The following PDGFC variants were observed in gnomAD, a reference collection of about 807,000 sequenced individuals.
PDGFC encodes platelet-derived growth factor C.
A neutral mutation model predicts 35.5 loss-of-function variants in PDGFC; 12 were observed. That is an observed-to-expected ratio of 0.34 (90% CI 0.22 to 0.55). The LOEUF is 0.55. Among genes scored for constraint, PDGFC ranks in the 20% least tolerant of loss-of-function variants. The probability of loss-of-function intolerance (pLI) is 0.91; values close to 1 mark genes in which losing one functional copy is unlikely to be tolerated. For missense variants in PDGFC, 322 were observed against 412.4 expected, an observed-to-expected ratio of 0.78 and a Z score of 1.90; for synonymous variants, 159 against 148.8, an observed-to-expected ratio of 1.07 and a Z score of -0.50.
At chr4:156,945,221 A>G (rs570841468) in intron 1 of PDGFC, among the ~76,000 whole-genome samples, 1 of 151,310 alleles carries the variant, frequency 6.6e-6, no homozygotes, top group East Asian at 2.0e-4. Context: ...ATCTGTGACT[A>G]GTATCTTGCT....
intron 1 of PDGFC, among the ~76,000 whole-genome samples, chr4:156,871,059 T>C (rs1041686930): frequency 2.6e-5 from 4 of 152,080 alleles, no homozygotes; most frequent in Non-Finnish European, 5.9e-5. Context: ...ATATAGAGTC[T>C]GGTGCAGGAA....
chr4:156,871,152 T>C (rs1210828941), intron 1 of PDGFC, among the ~76,000 whole-genome samples: 2 of 152,122 alleles, frequency 1.3e-5, no homozygotes, highest in African/African-American at 4.8e-5. Context: ...CTGCAACTTC[T>C]ATTAGTAGAT....
rs533416781 is a variant in PDGFC, at chr4:156,829,487, G to A, written c.315-18470C>T. Among the ~76,000 whole-genome samples, 8 of 152,100 alleles carry A rather than the reference G, an allele frequency of 5.3e-5. No individual in the cohort carries two copies. In the East Asian group the frequency reaches 1.5e-3, roughly 29 times the overall value. ...AATATCCCTAGGCAGAGATTTTTTG[G>A]CCCTAGGTTTATTTTACTTTCTTTT... On this transcript the variant is annotated intron_variant, in intron 2 of 5. Coordinates refer to ENST00000502773, the MANE Select transcript of PDGFC (RefSeq NM_016205.3).
chr4:156,826,384 G>T (rs1381263688), intron 2 of PDGFC, among the ~76,000 whole-genome samples: 1 of 151,628 alleles, frequency 6.6e-6, no homozygotes, highest in Non-Finnish European at 1.5e-5. Context: ...TGTATTTTTA[G>T]TAGAGACAGG....
At chr4:156,812,496 C>T (rs1053194972) in intron 2 of PDGFC, among the ~76,000 whole-genome samples, 4 of 151,900 alleles carry the variant, frequency 2.6e-5, no homozygotes, top group South Asian at 2.1e-4. Flanking sequence ...TTTGTTAAAA[C>T]GAAGTCTGAC....
chr4:156,920,329 A>G (rs527775199), intron 1 of PDGFC, among the ~76,000 whole-genome samples: 3 of 152,252 alleles, frequency 2.0e-5, no homozygotes, highest in Non-Finnish European at 4.4e-5. Context: ...CTGCCTAAAC[A>G]TTGTCTTATT....
chr4:156,954,521 C>G (rs1007221339), intron 1 of PDGFC, among the ~76,000 whole-genome samples: 7 of 151,938 alleles, frequency 4.6e-5, no homozygotes, highest in Admixed American at 2.0e-4. Context: ...GTCAAAGTTA[C>G]TGAAAATGAA....
At chr4:156,818,021 C>A (rs866755396) in intron 2 of PDGFC, among the ~76,000 whole-genome samples, 2 of 148,650 alleles carry the variant, frequency 1.3e-5, no homozygotes, top group African/African-American at 5.0e-5. Context: ...ATCACGCCAA[C>A]GCACTTCAGC....
At chr4:156,889,745 G>GT (rs1042999486) in intron 1 of PDGFC, among the ~76,000 whole-genome samples, 2 of 152,070 alleles carry the variant, frequency 1.3e-5, no homozygotes, top group East Asian at 1.9e-4. Context: ...TTTGGTTTTG[G>GT]TTTTTTTTCT....
At chr4:156,861,723 AAG>A (rs1729714033) in intron 1 of PDGFC, among the ~76,000 whole-genome samples, 1 of 152,124 alleles carries the variant, frequency 6.6e-6, no homozygotes, top group African/African-American at 2.4e-5. Context: ...AAATAAAAGA[AAG>A]AGCATTATTT....
intron 1 of PDGFC, among the ~76,000 whole-genome samples, chr4:156,855,257 T>TA (rs1315902355): frequency 6.6e-6 from 1 of 152,162 alleles, no homozygotes; most frequent in East Asian, 1.9e-4. Context: ...AAGAGAATCA[T>TA]AAAATGCAAT....
At position 156,833,759 on chromosome 4, in the gene PDGFC, C is replaced by G. The variant is rs1013478368; in HGVS notation, c.314+16462G>C. On this transcript the variant is annotated intron_variant, in intron 2 of 5. Coordinates refer to ENST00000502773, the MANE Select transcript of PDGFC (RefSeq NM_016205.3). ...CTCTACAATTTACTTGCTCTTTAAA[C>G]TTAGATAATTTTTATATCCTCTTTC... Among the ~76,000 whole-genome samples, 3 of 152,110 alleles carry G rather than the reference C, an allele frequency of 2.0e-5. No individual in the cohort carries two copies. In the South Asian group the frequency reaches 6.2e-4, roughly 32 times the overall value.
At chr4:156,926,595 G>A (rs1731420198) in intron 1 of PDGFC, among the ~76,000 whole-genome samples, 2 of 152,158 alleles carry the variant, frequency 1.3e-5, no homozygotes, top group Admixed American at 1.3e-4. Context: ...AAAATTCACT[G>A]GGCAGTCAAA....
At position 156,763,185 on chromosome 4, in the gene PDGFC, T is replaced by C. The variant is rs760783059; in HGVS notation, c.943A>G (p.Thr315Ala). The C allele has an allele frequency of 1.2e-6, 2 of 1,606,476 alleles. No individual in the cohort carries two copies. Among genetic ancestry groups the C allele is most frequent in the Non-Finnish European group, 1.7e-6 (2 of 1,173,230 alleles). Residue 315 changes from threonine (T) to alanine (A), a missense_variant, in exon 6 of 6, where the codon ACC becomes GCC. Around this residue, in one of 2 missense-constraint regions of PDGFC, gnomAD observed 202 missense variants for 295.9 expected, o/e 0.68. Transcript: ENST00000502773. ...GATTTGTGCAATCCCCTGACACCGG[T>C]CTTTGGTCTCAACTGAAGGACCTGA... ...YHEVLQLRPKTGVRGLHKSLT... is the reference protein window; with the variant it reads ...YHEVLQLRPKAGVRGLHKSLT...
At chr4:156,922,370 T>C (rs1380817772) in intron 1 of PDGFC, among the ~76,000 whole-genome samples, 2 of 152,198 alleles carry the variant, frequency 1.3e-5, no homozygotes, top group Non-Finnish European at 2.9e-5. Flanking sequence ...CTAAGTACTA[T>C]AGCAGGCATT....
At chr4:156,855,319 G>A (rs1192344430) in intron 1 of PDGFC, among the ~76,000 whole-genome samples, 4 of 152,096 alleles carry the variant, frequency 2.6e-5, no homozygotes, top group African/African-American at 4.8e-5. Context: ...TAACACTAAC[G>A]AGGAAGTTTC....
intron 1 of PDGFC, among the ~76,000 whole-genome samples, chr4:156,870,841 T>C (rs1390126983): frequency 6.6e-6 from 1 of 152,188 alleles, no homozygotes; most frequent in African/African-American, 2.4e-5. Context: ...ATTTGTATAC[T>C]ATGTCTTGCT....
intron 3 of PDGFC, chr4:156,778,999 A>G (rs2110839365): frequency 2.9e-6 from 1 of 340,252 alleles, no homozygotes; most frequent in Middle Eastern, 3.9e-4. Context: ...AAGACAATAA[A>G]TGTCCAGCCT....
chr4:156,862,238 C>T (rs917349862), intron 1 of PDGFC, among the ~76,000 whole-genome samples: 5 of 152,056 alleles, frequency 3.3e-5, no homozygotes, highest in Admixed American at 1.3e-4. Context: ...ATGAATAGAG[C>T]TGCACAGAAG....
Sources: gnomAD v4.1 joint callset for allele counts (sites outside exome capture counted in the v4.1 genomes callset) on GRCh38, gnomAD v4.1.1 for gene constraint, gnomAD v4.1.1 regional missense constraint, MANE v1.5 for transcripts, NCBI Gene and HGNC (gene_info 2026-07-23, HGNC 2026-07-21) for gene names.